HDAC9: variants seen among roughly 807,000 people sequenced by gnomAD.
HDAC9 encodes MEF-2 interacting transcription repressor (MITR) protein.
Under a neutral mutation model 139.4 loss-of-function variants are expected in HDAC9, and 41 were observed. The ratio of observed to expected loss-of-function variants is 0.29; its 90% confidence interval spans 0.23 to 0.38. HDAC9 has a LOEUF of 0.38. Among genes scored for constraint, HDAC9 ranks in the 10% least tolerant of loss-of-function variants. The probability of loss-of-function intolerance (pLI) is 1.00; values close to 1 mark genes in which losing one functional copy is unlikely to be tolerated. For synonymous variants in HDAC9, 517 were observed against 476.2 expected (o/e 1.09, Z -1.12); for missense variants, 1,147 against 1,297.0 (o/e 0.88, Z 1.78).
chr7:18,526,057 G>T (rs574950676), intron 2 of HDAC9, among the ~76,000 whole-genome samples: 1 of 152,114 alleles, frequency 6.6e-6, no homozygotes, highest in African/African-American at 2.4e-5. Context: ...GTACTTTTTA[G>T]GGGTACATAA....
chr7:18,631,646 G>A (rs549026156), intron 7 of HDAC9, among the ~76,000 whole-genome samples: 1 of 151,820 alleles, frequency 6.6e-6, no homozygotes, highest in African/African-American at 2.4e-5. Flanking sequence ...ATTGACATGG[G>A]AACCCACTTG....
At chr7:18,649,949 T>A (rs995673548) in intron 11 of HDAC9, among the ~76,000 whole-genome samples, 3 of 152,154 alleles carry the variant, frequency 2.0e-5, no homozygotes, top group African/African-American at 7.2e-5. Context: ...GCAGACCCTT[T>A]CTGTGTCATT....
chr7:18,737,794 G>A (rs1391237681), intron 13 of HDAC9, among the ~76,000 whole-genome samples: 1 of 152,188 alleles, frequency 6.6e-6, no homozygotes, highest in African/African-American at 2.4e-5. Context: ...GCAGAGCTGA[G>A]TTCAAGTCCT....
chr7:18,128,467 A>G (rs1297954510), intron 1 of HDAC9, among the ~76,000 whole-genome samples: 2 of 151,966 alleles, frequency 1.3e-5, no homozygotes, highest in Non-Finnish European at 2.9e-5. Context: ...CGAGGTCTTT[A>G]TTAGTTTGTT....
intron 2 of HDAC9, among the ~76,000 whole-genome samples, chr7:18,558,972 A>C (rs1175531261): frequency 5.9e-5 from 9 of 152,184 alleles, no homozygotes; most frequent in Admixed American, 5.9e-4. Flanking sequence ...TGAGGGGAAC[A>C]GGTAAGGCAG....
At chr7:18,791,115 C>G (rs1348156964) in intron 16 of HDAC9, among the ~76,000 whole-genome samples, 1 of 152,132 alleles carries the variant, frequency 6.6e-6, no homozygotes, top group African/African-American at 2.4e-5. Flanking sequence ...ATACAGCACT[C>G]TCTGCTGCTG....
At chr7:18,518,991 CAGAA>C (rs2128209379) in intron 2 of HDAC9, among the ~76,000 whole-genome samples, 1 of 152,250 alleles carries the variant, frequency 6.6e-6, no homozygotes, top group African/African-American at 2.4e-5. Flanking sequence ...TCTTTATGTC[CAGAA>C]GCCCAGTGTC....
intron 2 of HDAC9, among the ~76,000 whole-genome samples, chr7:18,282,813 C>A (rs547680356): frequency 3.9e-5 from 6 of 152,052 alleles, no homozygotes; most frequent in Admixed American, 3.9e-4. Flanking sequence ...ACAGAACTAG[C>A]TAGAGCCCAG....
intron 24 of HDAC9, among the ~76,000 whole-genome samples, chr7:18,967,999 C>T (rs1783990024): frequency 1.3e-5 from 2 of 151,970 alleles, no homozygotes; most frequent in African/African-American, 2.4e-5. Context: ...CCGGTCTCTA[C>T]TAAAAATACA....
chr7:18,665,099 T>G (rs1161623595), intron 11 of HDAC9, among the ~76,000 whole-genome samples: 1 of 152,154 alleles, frequency 6.6e-6, no homozygotes, highest in Non-Finnish European at 1.5e-5. Context: ...ACTTAAGTAT[T>G]CACATTTTAA....
rs555719500 is a variant in HDAC9, at chr7:18,164,811, C to T, written c.25+2462C>T. Among the ~76,000 whole-genome samples, 7 of 152,244 alleles carry T rather than the reference C, an allele frequency of 4.6e-5. No homozygotes were observed. In the East Asian group the frequency reaches 1.3e-3, roughly 29 times the overall value. On this transcript the variant is annotated intron_variant, in intron 2 of 12. Coordinates refer to the HDAC9 transcript ENST00000417496. The stretch of plus-strand genomic sequence containing the variant: ...TGCCCAGTTCTGTTCAAAGTTAGAG[C>T]CTTGGGTATTGCTTTTGGGCACTGA...
intron 12 of HDAC9, chr7:18,668,900 C>G: frequency 1.0e-6 from 1 of 982,216 alleles, no homozygotes; most frequent in Non-Finnish European, 1.2e-6. Flanking sequence ...GAAGTTGAAG[C>G]TTGCACACTA....
chr7:18,888,187 C>T (rs1168407342), intron 22 of HDAC9, among the ~76,000 whole-genome samples: 3 of 151,956 alleles, frequency 2.0e-5, no homozygotes, highest in Admixed American at 6.6e-5. Context: ...TTTGGGAGGC[C>T]GAGGCAGGCG....
At chr7:18,551,336 G>C (rs1161237365) in intron 2 of HDAC9, among the ~76,000 whole-genome samples, 1 of 152,182 alleles carries the variant, frequency 6.6e-6, no homozygotes, top group Non-Finnish European at 1.5e-5. Flanking sequence ...AAGAGATCCA[G>C]GGCAGAGATA....
intron 1 of HDAC9, among the ~76,000 whole-genome samples, chr7:18,426,729 T>G (rs1790150390): frequency 1.3e-5 from 2 of 152,338 alleles, no homozygotes; most frequent in South Asian, 4.1e-4. Flanking sequence ...CTGCAAATGA[T>G]TGCCTTTATT....
chr7:18,183,702 C>G (rs1411809457), intron 2 of HDAC9, among the ~76,000 whole-genome samples: 1 of 152,060 alleles, frequency 6.6e-6, no homozygotes, highest in Non-Finnish European at 1.5e-5. Context: ...CTAGGCTGAT[C>G]TCAAAATCTT....
intron 13 of HDAC9, among the ~76,000 whole-genome samples, chr7:18,739,362 A>C (rs1490843569): frequency 6.6e-6 from 1 of 151,596 alleles, no homozygotes; most frequent in East Asian, 1.9e-4. Context: ...TAGAATTTTC[A>C]GCTTTTCTGC....
chr7:18,496,619 A>G, intron 2 of HDAC9: 1 of 382,574 alleles, frequency 2.6e-6, no homozygotes, highest in East Asian at 4.6e-5. Context: ...TTACTATGCA[A>G]CTAGAAAAAG....
chr7:18,232,069 G>A (rs1584757642), intron 2 of HDAC9, among the ~76,000 whole-genome samples: 2 of 152,270 alleles, frequency 1.3e-5, no homozygotes, highest in East Asian at 3.9e-4. Context: ...ATAATTATGA[G>A]ACATTATATT....
Sources: allele counts gnomAD v4.1 joint callset (sites outside exome capture counted in the v4.1 genomes callset), GRCh38; gene constraint gnomAD v4.1.1; transcripts MANE v1.5; gene names NCBI Gene and HGNC (gene_info 2026-07-23, HGNC 2026-07-21).